AGAP4: variants seen among roughly 807,000 people sequenced by gnomAD.
AGAP4 encodes ArfGAP with GTPase domain, ankyrin repeat and PH domain 4, also known as arf-GAP with GTPase, ANK repeat and PH domain-containing protein 4.
AGAP4 carries 13 observed loss-of-function variants against 60.7 expected under a neutral mutation model. The ratio of observed to expected loss-of-function variants is 0.21; its 90% CI spans 0.14 to 0.34. AGAP4 has a LOEUF of 0.34. Among genes scored for constraint, AGAP4 ranks in the 10% least tolerant of loss-of-function variants. The pLI is 1.00. For synonymous variants in AGAP4, 70 were observed against 339.0 expected (o/e 0.21, Z 8.72); for missense variants, 169 against 884.0 (o/e 0.19, Z 10.26).
chr10:45,835,973 C>A (rs2058810744), intron 4 of AGAP4, among the ~76,000 whole-genome samples: 1 of 151,470 alleles, frequency 6.6e-6, no homozygotes, highest in Non-Finnish European at 1.5e-5. Context: ...CAATATTTAA[C>A]AAGAAATGGA....
chr10:45,830,598 G>A (rs1288968196), intron 6 of AGAP4, among the ~76,000 whole-genome samples: 1 of 118,348 alleles, frequency 8.4e-6, no homozygotes, highest in Non-Finnish European at 1.8e-5. Flanking sequence ...CGGTTCTCCT[G>A]CCTCAGCCTC....
upstream of AGAP4, chr10:45,848,699 C>T (rs2059038898): frequency 6.5e-6 from 1 of 152,806 alleles, no homozygotes; most frequent in Non-Finnish European, 1.5e-5. Context: ...GTATAGCAGT[C>T]TGTTTTCACA....
At chr10:45,841,447 G>A in intron 4 of AGAP4, 1 of 454,340 alleles carries the variant, frequency 2.2e-6, no homozygotes, top group Non-Finnish European at 4.0e-6. Flanking sequence ...TAACTTAAAT[G>A]TCAGAAATCT....
upstream of AGAP4, chr10:45,853,905 G>A (rs2059111576): frequency 4.2e-6 from 5 of 1,189,162 alleles, no homozygotes; most frequent in Non-Finnish European, 5.3e-6. Flanking sequence ...ATGATCCCAG[G>A]CAGCAGTAGT....
At chr10:45,848,366 T>G, upstream of AGAP4, among the ~76,000 whole-genome samples, 2 of 143,134 alleles carry the variant, frequency 1.4e-5, no homozygotes, top group Admixed American at 7.1e-5. Context: ...GGCAGGGACT[T>G]TCAGGTTTTC....
chr10:45,844,708 T>C (rs1282050898), intron 2 of AGAP4, among the ~76,000 whole-genome samples: 23 of 146,028 alleles, frequency 1.6e-4, no homozygotes, highest in Non-Finnish European at 3.3e-4. Context: ...GGCTTTGAGT[T>C]GTGTAAAATC....
intron 6 of AGAP4, among the ~76,000 whole-genome samples, chr10:45,830,685 C>A (rs1251096044): frequency 7.8e-6 from 1 of 128,140 alleles, no homozygotes. Context: ...CGGGGCTTCG[C>A]TGTGTTAGCC....
Position 45,834,472 on chromosome 10 carries a change from G to C in AGAP4, c.397-356C>G, listed in dbSNP as rs1333119795. ...GGGCGGATCACGAGGTCAAGAGATC[G>C]AGACCATCCTGGCTAACATGGTGAA... On this transcript the variant is annotated intron_variant, in intron 4 of 7. Coordinates refer to ENST00000616763, the MANE Select transcript of AGAP4 (RefSeq NM_001276343.3). Among the ~76,000 whole-genome samples, 54 of 134,498 alleles carry C rather than the reference G, an allele frequency of 4.0e-4. 4 individuals carry two copies. Among genetic ancestry groups the C allele is most frequent in the African/African-American group, 1.7e-3 (53 of 31,730 alleles). 88.2% of individuals were successfully genotyped at this position (134,498 alleles called of 152,430 possible). A position where few individuals can be genotyped will look rare whatever the true frequency, so the allele number is the denominator to read the frequency against.
At chr10:45,843,646 A>G (rs1380655119) in intron 3 of AGAP4, among the ~76,000 whole-genome samples, 1 of 125,704 alleles carries the variant, frequency 8.0e-6, no homozygotes, top group Non-Finnish European at 1.7e-5. Context: ...TACTTCGCAC[A>G]TTATAATAGA....
upstream of AGAP4, among the ~76,000 whole-genome samples, chr10:45,848,455 T>TAC (rs2059034675): frequency 6.8e-6 from 1 of 147,982 alleles, no homozygotes; most frequent in African/African-American, 2.5e-5. Context: ...CACAGTCCTA[T>TAC]TTCAATAAAG....
At chr10:45,841,797 T>G in intron 3 of AGAP4, 110 bp from the exon 4 acceptor site, 1 of 1,194,164 alleles carries the variant, frequency 8.4e-7, no homozygotes, top group East Asian at 2.8e-5. Context: ...CAAAATTCCA[T>G]TAAAAAAAAA....
chr10:45,834,959 G>A (rs1183094654), intron 4 of AGAP4, among the ~76,000 whole-genome samples: 1 of 146,620 alleles, frequency 6.8e-6, no homozygotes, highest in Admixed American at 6.7e-5. Context: ...GTTTTTAGTA[G>A]AGACGGGGTT....
upstream of AGAP4, among the ~76,000 whole-genome samples, chr10:45,852,277 A>C (rs2059095009): frequency 6.8e-6 from 1 of 146,722 alleles, no homozygotes; most frequent in Non-Finnish European, 1.5e-5. Flanking sequence ...TGTATAGAAA[A>C]GTCTACACTT....
rs1388753817 is a variant in AGAP4, at chr10:45,830,775, G to A, written c.533+619C>T. ...GCTGGGATTACAGGCGTGAGCCACC[G>A]TGCCCAACCTCTTATTGCTGCTTTA... On this transcript the variant is annotated intron_variant, in intron 6 of 7. Transcript: ENST00000616763. Among the ~76,000 whole-genome samples, 13 of 127,502 alleles carry A rather than the reference G, an allele frequency of 1.0e-4. No individual in the cohort carries two copies. The South Asian group carries it at 1.5e-3, about 15-fold the overall frequency. 83.6% of individuals were successfully genotyped at this position (127,502 alleles called of 152,430 possible).
At chr10:45,849,941 A>T (rs1379767257), upstream of AGAP4, among the ~76,000 whole-genome samples, 129 of 145,972 alleles carry the variant, frequency 8.8e-4, 1 homozygote, top group African/African-American at 3.0e-3. Context: ...TTTTTTTTTT[A>T]TTTTTTTTGA....
intron 3 of AGAP4, 147 bp from the exon 4 acceptor site, chr10:45,841,834 A>G (rs2135955050): frequency 2.9e-6 from 2 of 680,416 alleles, no homozygotes; most frequent in Non-Finnish European, 4.5e-6. Flanking sequence ...AATTTAAATT[A>G]TCTGGCATGA....
upstream of AGAP4, chr10:45,854,087 G>C (rs1487829971): frequency 1.2e-4 from 37 of 309,454 alleles, no homozygotes; most frequent in Non-Finnish European, 1.6e-4. Context: ...GCTGAAAGCA[G>C]GTAACTCTAT....
At chr10:45,827,780 C>A (rs1590012652) in intron 7 of AGAP4, among the ~76,000 whole-genome samples, 2 of 31,776 alleles carry the variant, frequency 6.3e-5, no homozygotes, top group Non-Finnish European at 8.1e-5. Context: ...AAAGAGAGTC[C>A]ATAAAAAAAA....
intron 4 of AGAP4, among the ~76,000 whole-genome samples, chr10:45,834,674 CAAAA>C (rs1174820110): frequency 3.2e-3 from 48 of 15,224 alleles, no homozygotes; most frequent in Non-Finnish European, 4.0e-3. Context: ...GACTCCGCCT[CAAAA>C]AAAAAAAAAA....
Sources: allele counts gnomAD v4.1 joint callset (sites outside exome capture counted in the v4.1 genomes callset), GRCh38; gene constraint gnomAD v4.1.1; transcripts MANE v1.5; gene names NCBI Gene and HGNC (gene_info 2026-07-23, HGNC 2026-07-21).